Variants in EGF observed in about 807,000 individuals in gnomAD.
EGF encodes pro-epidermal growth factor.
EGF carries 95 observed loss-of-function variants against 143.8 expected under a neutral mutation model. The ratio of observed to expected loss-of-function variants is 0.66; its 90% CI spans 0.56 to 0.78. The LOEUF is 0.78. Among genes scored for constraint, EGF ranks in the 30% least tolerant of loss-of-function variants. The pLI is 0.00. For synonymous variants in EGF, 510 were observed against 510.5 expected (o/e 1.00, Z 0.01); for missense variants, 1,320 against 1,470.9 (o/e 0.90, Z 1.68).
chr4:109,959,203 A>G, intron 5 of EGF, 109 bp from the exon 6 acceptor site: 1 of 1,538,366 alleles, frequency 6.5e-7, no homozygotes, highest in Non-Finnish European at 8.8e-7. Flanking sequence ...TGAGAGATGC[A>G]GCTGTAGACG....
intron 5 of EGF, among the ~76,000 whole-genome samples, chr4:109,957,284 G>A (rs752702622): frequency 4.6e-5 from 7 of 152,096 alleles, no homozygotes; most frequent in East Asian, 1.9e-4. Context: ...ACCCCCTGAC[G>A]GATCAGGAGA....
rs186832351 is a variant in EGF at position 109,997,158 on chromosome 4, C to T, written c.3005+2278C>T. On this transcript the variant is annotated intron_variant, in intron 20 of 23. Transcript: ENST00000265171. ...GGGATGAAATCACAGAGAGTTGAAGCTGTCTTCTTGCGCTGAGTCAGTTCC... is the reference window on the plus strand; with the variant it reads ...GGGATGAAATCACAGAGAGTTGAAGTTGTCTTCTTGCGCTGAGTCAGTTCC... Among the ~76,000 whole-genome samples the T allele has an allele frequency of 2.0e-5, 3 of 152,252 alleles. No individual in the cohort carries two copies. In the East Asian group the frequency reaches 5.8e-4, roughly 29 times the overall value.
At chr4:109,922,952 T>A (rs1738044163) in intron 1 of EGF, among the ~76,000 whole-genome samples, 1 of 151,608 alleles carries the variant, frequency 6.6e-6, no homozygotes, top group African/African-American at 2.4e-5. Context: ...ATTTTTATAA[T>A]ACCTGTTTCT....
intron 3 of EGF, 41 bp from the exon 4 acceptor site, chr4:109,943,801 A>G: frequency 4.5e-6 from 7 of 1,560,492 alleles, no homozygotes; most frequent in Non-Finnish European, 6.2e-6. Context: ...TTAAGGCACT[A>G]TACATTCATT....
chr4:109,919,303 C>CTCTG (rs1553926942), intron 1 of EGF, among the ~76,000 whole-genome samples: 1 of 135,480 alleles, frequency 7.4e-6, no homozygotes, highest in Non-Finnish European at 1.5e-5. Flanking sequence ...CTCTCTCTCT[C>CTCTG]TCTCTCTCTC....
chr4:109,985,411 T>C (rs780946528), intron 16 of EGF, among the ~76,000 whole-genome samples: 2 of 152,212 alleles, frequency 1.3e-5, no homozygotes, highest in Non-Finnish European at 2.9e-5. Context: ...CTAAAATTCT[T>C]AACGTGGCCT....
At chr4:109,961,326 TG>T (rs1714738652) in intron 7 of EGF, among the ~76,000 whole-genome samples, 2 of 152,076 alleles carry the variant, frequency 1.3e-5, no homozygotes, top group Non-Finnish European at 2.9e-5. Context: ...CTGCCCTTCC[TG>T]GGTGATGGAG....
intron 19 of EGF, 96 bp from the exon 20 acceptor site, chr4:109,994,637 T>C (rs773147347): frequency 9.3e-6 from 13 of 1,390,978 alleles, no homozygotes; most frequent in Non-Finnish European, 1.3e-5. Flanking sequence ...AAAAGATTTA[T>C]GTCACAAACT....
chr4:109,965,821 A>G (rs1469202331), intron 10 of EGF, among the ~76,000 whole-genome samples: 1 of 152,122 alleles, frequency 6.6e-6, no homozygotes, highest in Non-Finnish European at 1.5e-5. Flanking sequence ...TTAGAGTTTG[A>G]GAAGCACAGT....
chr4:109,972,862 C>A (rs1340813467), intron 11 of EGF, among the ~76,000 whole-genome samples: 1 of 152,152 alleles, frequency 6.6e-6, no homozygotes, highest in African/African-American at 2.4e-5. Context: ...AGTTGGTGAA[C>A]CAGCCACCAG....
intron 21 of EGF, chr4:110,001,582 G>A: frequency 6.1e-6 from 6 of 980,972 alleles, no homozygotes; most frequent in Non-Finnish European, 7.3e-6. Context: ...TAATTATTAA[G>A]TGTTTTTTCC....
chr4:109,999,275 C>T (rs1218446854), intron 20 of EGF, among the ~76,000 whole-genome samples: 2 of 152,158 alleles, frequency 1.3e-5, no homozygotes, highest in Non-Finnish European at 2.9e-5. Context: ...TCAAATTCTC[C>T]TTTCCTTTCA....
chr4:109,975,862 C>A, intron 12 of EGF, 150 bp from the exon 13 acceptor site: 1 of 849,566 alleles, frequency 1.2e-6, no homozygotes, highest in Non-Finnish European at 1.9e-6. Flanking sequence ...AATTATTTGC[C>A]GAACATACAG....
rs376621650 is a variant in EGF, at chr4:109,966,673, GT to G, written c.1575+2143del. Among the ~76,000 whole-genome samples, 349 of 151,930 alleles carry G rather than the reference GT, an allele frequency of 2.3e-3. 2 individuals are homozygous for G. Among genetic ancestry groups the G allele is most frequent in the African/African-American group, 7.9e-3 (326 of 41,438 alleles). On this transcript the variant is annotated intron_variant, in intron 10 of 23. Transcript: ENST00000265171. ...TTCCCACCAGCAATGTATAAGAGTT[GT>G]TTTTTTCTTCACATCCATGCCAACA... is the stretch of plus-strand genomic sequence containing the variant.
rs758664927 is a variant in EGF at position 109,993,327 on chromosome 4, A to G, written c.2815A>G (p.Met939Val). The change falls in exon 19 of 24, where the codon ATG (methionine) becomes GTG (valine). Residue 939 changes from methionine to valine, a missense_variant. Physicochemically the swap from Met to Val is conservative, Grantham distance 21 (BLOSUM62 1). Coordinates refer to ENST00000265171, the MANE Select transcript of EGF (RefSeq NM_001963.6). Reference sequence around the variant, plus strand: ...AAATACAGAGGGAGGCTATACCTGCATGTGTGCTGGACGCCTGTCTGAACC... The same window carrying G: ...AAATACAGAGGGAGGCTATACCTGCGTGTGTGCTGGACGCCTGTCTGAACC... ...CTNTEGGYTC[M>V]CAGRLSEPGL... 2.5e-6 allele frequency: 4 copies of G among 1,613,818 alleles called. No homozygotes were observed. In the Admixed American group the frequency reaches 6.7e-5, roughly 27 times the overall value.
At chr4:109,954,692 A>G (rs1010598722) in intron 5 of EGF, among the ~76,000 whole-genome samples, 3 of 152,202 alleles carry the variant, frequency 2.0e-5, no homozygotes, top group African/African-American at 4.8e-5. Context: ...TAAAACTAAC[A>G]TATATTTTAT....
chr4:109,933,557 C>G (rs190329801), intron 1 of EGF, among the ~76,000 whole-genome samples: 1 of 151,936 alleles, frequency 6.6e-6, no homozygotes, highest in Non-Finnish European at 1.5e-5. Flanking sequence ...TTTCTCCCAA[C>G]GCTATCCCTC....
At chr4:109,947,376 T>G (rs1341399417) in intron 5 of EGF, among the ~76,000 whole-genome samples, 1 of 151,984 alleles carries the variant, frequency 6.6e-6, no homozygotes, top group Non-Finnish European at 1.5e-5. Flanking sequence ...ATCTTCTACT[T>G]TCTTTTTTTT....
In EGF at chr4:109,940,177, C is replaced by G. The variant is rs957158359; in HGVS notation, c.128-769C>G. Among the ~76,000 whole-genome samples, 3 of 151,930 alleles carry G rather than the reference C, an allele frequency of 2.0e-5. 1 individual carries two copies. The highest frequency in any genetic ancestry group is 2.0e-4 in the Admixed American group (3 of 15,250). On this transcript the variant is annotated intron_variant, in intron 1 of 23. Transcript: ENST00000265171. ...GCCATCACCTAGAACAGGAGAGGACCCCAGGTACAGGATTAGGGTACCAAG... is the reference window on the plus strand; with the variant it reads ...GCCATCACCTAGAACAGGAGAGGACGCCAGGTACAGGATTAGGGTACCAAG...
Sources: gnomAD v4.1 joint callset for allele counts (sites outside exome capture counted in the v4.1 genomes callset) on GRCh38, gnomAD v4.1.1 for gene constraint, MANE v1.5 for transcripts, NCBI Gene and HGNC (gene_info 2026-07-23, HGNC 2026-07-21) for gene names.